The following PCDHGA12 variants were observed in gnomAD, a reference collection of about 807,000 sequenced individuals.
The protein encoded by PCDHGA12 is protocadherin gamma subfamily A, 12.
PCDHGA12 carries 43 observed loss-of-function variants against 61.1 expected under a neutral mutation model. The ratio of observed to expected loss-of-function variants is 0.70; its 90% CI spans 0.55 to 0.91. The LOEUF is 0.91. Among genes scored for constraint, PCDHGA12 ranks in the 40% least tolerant of loss-of-function variants. The pLI is 0.00. For missense variants in PCDHGA12, 1,236 were observed against 1,227.7 expected (o/e 1.01, Z -0.10); for synonymous variants, 520 against 542.9 (o/e 0.96, Z 0.59).
At position 141,487,681 on chromosome 5, in the gene PCDHGA12, T is replaced by C. The variant is rs754032560; in HGVS notation, c.2425-7126T>C. The stretch of plus-strand genomic sequence containing the variant: ...CTGATCCAGGCATATGGCTAGGCCA[T>C]GTCCTAGAGAGTACTGGCCTCTCAG... On this transcript the variant is annotated intron_variant, in intron 1 of 3. Coordinates refer to ENST00000252085, the MANE Select transcript of PCDHGA12 (RefSeq NM_003735.3). The surrounding 1 kb of genome is among the most constrained non-coding windows in gnomAD (Gnocchi z 5.0). 1.1e-5 allele frequency: 18 copies of C among 1,608,852 alleles called. No individual in the cohort carries two copies. The highest frequency in any genetic ancestry group is 4.5e-5 in the East Asian group (2 of 44,816).
Position 141,490,754 on chromosome 5 carries a change from CCTT to C in PCDHGA12, c.2425-4052_2425-4050del, listed in dbSNP as rs775582875. ...CAGGTTCAGGGAGCCCCAGCCTCCT[CCTT>C]TGTGTATGTCAACCCAGAGGATGGA... On this transcript the variant is annotated intron_variant, in intron 1 of 3. Transcript: ENST00000252085. The surrounding 1 kb of genome is among the most constrained non-coding windows in gnomAD (Gnocchi z 5.4). 3.1e-6 allele frequency: 5 copies of C among 1,614,200 alleles called. No individual in the cohort carries two copies. The highest frequency in any genetic ancestry group is 3.4e-6 in the Non-Finnish European group (4 of 1,180,038).
chr5:141,431,147 G>A lies in PCDHGA12; in HGVS notation c.388G>A (p.Ala130Thr), dbSNP rs1303502732. ...EVEVRDINDN[A>T]PYFRESELEI... ...AGAAGTAAGGGACATTAACGACAAT[G>A]CGCCTTACTTTCGTGAAAGTGAATT... Residue 130 changes from alanine to threonine, a missense_variant, in exon 1 of 4, where the codon GCG (alanine) becomes ACG (threonine). Coordinates refer to ENST00000252085, the MANE Select transcript of PCDHGA12 (RefSeq NM_003735.3). The surrounding 1 kb of genome is among the most constrained non-coding windows in gnomAD (Gnocchi z 4.8). 6.2e-7 allele frequency: 1 copy of A among 1,614,228 alleles called. No homozygotes were observed. The highest frequency in any genetic ancestry group is 1.7e-5 in the Admixed American group (1 of 60,030).
At chr5:141,460,546 C>A (rs182506898) in intron 1 of PCDHGA12, among the ~76,000 whole-genome samples, 51 of 152,152 alleles carry the variant, frequency 3.4e-4, no homozygotes, top group African/African-American at 1.1e-3. Context: ...GCACCTTAAT[C>A]AAAAATCATT....
chr5:141,492,579 G>T (rs547852117), intron 1 of PCDHGA12, among the ~76,000 whole-genome samples: 2 of 152,356 alleles, frequency 1.3e-5, no homozygotes, highest in East Asian at 1.9e-4. Context: ...GAGGCGCGGG[G>T]CCAGGAGCGC....
chr5:141,443,699 A>G (rs1433844997), intron 1 of PCDHGA12, among the ~76,000 whole-genome samples: 1 of 152,248 alleles, frequency 6.6e-6, no homozygotes, highest in African/African-American at 2.4e-5. Flanking sequence ...AAAATTATAG[A>G]ATAACATTTG....
At position 141,490,356 on chromosome 5, in the gene PCDHGA12, T is replaced by C. The variant is rs771968534; in HGVS notation, c.2425-4451T>C. ...CAGTGGGCACAGTAGTGGGGTTGTT[T>C]AATGTGCGAGACCGGGACTCAGGTA... On this transcript the variant is annotated intron_variant, in intron 1 of 3. Coordinates refer to ENST00000252085, the MANE Select transcript of PCDHGA12 (RefSeq NM_003735.3). The surrounding 1 kb of genome is among the most constrained non-coding windows in gnomAD (Gnocchi z 5.4). 1.4e-5 allele frequency: 23 copies of C among 1,614,084 alleles called. No individual in the cohort carries two copies. Among genetic ancestry groups the C allele is most frequent in the Non-Finnish European group, 1.9e-5 (22 of 1,180,038 alleles).
In PCDHGA12 at chr5:141,477,670, A is replaced by G; in HGVS notation, c.2425-17137A>G. 1 of 1,614,198 alleles carries G rather than the reference A, an allele frequency of 6.2e-7. No individual in the cohort carries two copies. The highest frequency in any genetic ancestry group is 1.7e-5 in the Admixed American group (1 of 60,028). ...TCACAATAAATCGTGACAATGGCAT[A>G]GTGTCATCCTTAGTGCCCCTAGACT... On this transcript the variant is annotated intron_variant, in intron 1 of 3. Coordinates refer to ENST00000252085, the MANE Select transcript of PCDHGA12 (RefSeq NM_003735.3). This position sits in a 1 kb window ranked among gnomAD's most constrained non-coding sequence, Gnocchi z 4.9.
At chr5:141,473,066 A>G (rs1002054198) in intron 1 of PCDHGA12, among the ~76,000 whole-genome samples, 3 of 152,128 alleles carry the variant, frequency 2.0e-5, no homozygotes, top group African/African-American at 7.2e-5. Context: ...AACAAGTTAC[A>G]GCATCTTTGT....
intron 1 of PCDHGA12, among the ~76,000 whole-genome samples, chr5:141,450,814 A>ATT (rs755856825): frequency 0.033 from 4,450 of 136,778 alleles, 81 homozygotes; most frequent in Middle Eastern, 0.081. Context: ...TTATTTATTT[A>ATT]ATATTATTAT....
At chr5:141,447,313 T>C (rs2098534296) in intron 1 of PCDHGA12, among the ~76,000 whole-genome samples, 1 of 152,146 alleles carries the variant, frequency 6.6e-6, no homozygotes, top group African/African-American at 2.4e-5. Context: ...CTAATTTTTG[T>C]ATTTTTAGTA....
chr5:141,432,120 A>G lies in PCDHGA12; in HGVS notation c.1361A>G (p.Gln454Arg), dbSNP rs764363553. 12 of 1,613,978 alleles carry G rather than the reference A, an allele frequency of 7.4e-6. No homozygotes were observed. The highest frequency in any genetic ancestry group is 5.3e-5 in the African/African-American group (4 of 74,894). ...AACGACAACCCGCCGGTCTTCCCTCAGGCCTCCTATTCCGCTTATATCCCA... is the reference window on the plus strand; with the variant it reads ...AACGACAACCCGCCGGTCTTCCCTCGGGCCTCCTATTCCGCTTATATCCCA... ...DTNDNPPVFP[Q>R]ASYSAYIPEN... Residue 454 changes from glutamine (Q) to arginine (R), a missense_variant, in exon 1 of 4, where the codon CAG becomes CGG. Gln to Arg is a conservative substitution (Grantham distance 43, BLOSUM62 1). Transcript: ENST00000252085. The surrounding 1 kb of genome is among the most constrained non-coding windows in gnomAD (Gnocchi z 6.0).
rs148995268 is a variant in PCDHGA12, at chr5:141,486,253, C to T, written c.2425-8554C>T. On this transcript the variant is annotated intron_variant, in intron 1 of 3. Coordinates refer to ENST00000252085, the MANE Select transcript of PCDHGA12 (RefSeq NM_003735.3). The surrounding 1 kb of genome is among the most constrained non-coding windows in gnomAD (Gnocchi z 5.0). The stretch of plus-strand genomic sequence containing the variant: ...TGACCTCAGAGCTTGGAACCCTCCC[C>T]GAGAGTGCAGAACCTGGCACTGTGG... 8 of 1,614,020 alleles carry T rather than the reference C, an allele frequency of 5.0e-6. No individual in the cohort carries two copies. The African/African-American group carries it at 8.0e-5, about 16-fold the overall frequency.
chr5:141,443,561 C>T (rs1487096752), intron 1 of PCDHGA12, among the ~76,000 whole-genome samples: 3 of 152,118 alleles, frequency 2.0e-5, no homozygotes, highest in Non-Finnish European at 1.5e-5. Context: ...AATTCAAATG[C>T]TTTAAATGGA....
chr5:141,500,688 T>C (rs2099802014), intron 2 of PCDHGA12, among the ~76,000 whole-genome samples: 1 of 152,224 alleles, frequency 6.6e-6, no homozygotes, highest in Non-Finnish European at 1.5e-5. Flanking sequence ...TATAGCTTTT[T>C]TCTTCTTTGC....
At chr5:141,458,264 G>A (rs1489144612) in intron 1 of PCDHGA12, among the ~76,000 whole-genome samples, 3 of 152,092 alleles carry the variant, frequency 2.0e-5, no homozygotes, top group Non-Finnish European at 2.9e-5. Flanking sequence ...GATGAGTGGA[G>A]GAACAACAGG....
At chr5:141,471,078 T>C (rs1370939177) in intron 1 of PCDHGA12, among the ~76,000 whole-genome samples, 1 of 142,250 alleles carries the variant, frequency 7.0e-6, no homozygotes, top group Non-Finnish European at 1.5e-5. Context: ...AGACAGGGTC[T>C]CCCTCTGTTG....
rs1437409726 is a variant in PCDHGA12, at chr5:141,471,036, C to T, written c.2425-23771C>T. Among the ~76,000 whole-genome samples the T allele has an allele frequency of 2.8e-5, 4 of 144,908 alleles. No homozygotes were observed. The South Asian group carries it at 6.5e-4, about 24-fold the overall frequency. ...CTGGTCAATCATTTTTATTAACAAG[C>T]CCAAGCCCTCTTTTTTTTTTTTTTT... On this transcript the variant is annotated intron_variant, in intron 1 of 3. Transcript: ENST00000252085.
chr5:141,495,818 GTTC>G (rs2099764072), intron 2 of PCDHGA12, among the ~76,000 whole-genome samples: 1 of 151,904 alleles, frequency 6.6e-6, no homozygotes, highest in South Asian at 2.1e-4. Context: ...AGCGCCTTGT[GTTC>G]TTCTATCCCC....
chr5:141,433,850 A>C (rs899643386), intron 1 of PCDHGA12, among the ~76,000 whole-genome samples: 2 of 151,896 alleles, frequency 1.3e-5, no homozygotes, highest in East Asian at 3.9e-4. Flanking sequence ...AAAAAAAAAA[A>C]AAAAACTTTA....
Sources: gnomAD v4.1 joint callset for allele counts (sites outside exome capture counted in the v4.1 genomes callset) on GRCh38, gnomAD v4.1.1 for gene constraint, Gnocchi (gnomAD v3.1) non-coding constraint, MANE v1.5 for transcripts, NCBI Gene and HGNC (gene_info 2026-07-23, HGNC 2026-07-21) for gene names.